The following SIPA1L2 variants were observed in gnomAD, a reference collection of about 807,000 sequenced individuals.
SIPA1L2 encodes signal induced proliferation associated 1 like 2, also known as signal-induced proliferation-associated 1-like protein 2.
In SIPA1L2, 56 loss-of-function variants were observed where a neutral mutation model predicts 163.9. The observed-to-expected ratio is 0.34, with a 90% CI of 0.28 to 0.43. The LOEUF (loss-of-function observed/expected upper bound fraction) is 0.43, where lower values mean the gene tolerates loss of function less well. SIPA1L2 is among the 20% of genes least tolerant of loss of function. The pLI, the probability that SIPA1L2 is intolerant of heterozygous loss-of-function variation, is 1.00. For missense variants in SIPA1L2, 1,974 were observed against 2,193.5 expected (o/e 0.90, Z 2.00); for synonymous variants, 877 against 865.7 (o/e 1.01, Z -0.23).
intron 18 of SIPA1L2, among the ~76,000 whole-genome samples, chr1:232,423,711 T>G (rs543864399): frequency 6.6e-6 from 1 of 152,328 alleles, no homozygotes; most frequent in African/African-American, 2.4e-5. Context: ...TTCCTAATTG[T>G]GCCTTTGAAC....
chr1:232,423,829 A>G (rs1415101229), intron 18 of SIPA1L2, among the ~76,000 whole-genome samples: 1 of 152,244 alleles, frequency 6.6e-6, no homozygotes, highest in East Asian at 1.9e-4. Context: ...TCAAACCATG[A>G]AAAGACATGG....
At chr1:232,401,968 T>C (rs868174372) in intron 22 of SIPA1L2, among the ~76,000 whole-genome samples, 3 of 152,182 alleles carry the variant, frequency 2.0e-5, no homozygotes, top group Non-Finnish European at 4.4e-5. Flanking sequence ...GGTTGATGTG[T>C]ACAGCAGAAG....
At chr1:232,451,327 G>C (rs1663559659) in intron 10 of SIPA1L2, among the ~76,000 whole-genome samples, 1 of 152,170 alleles carries the variant, frequency 6.6e-6, no homozygotes, top group Admixed American at 6.5e-5. Context: ...AAATGGATCT[G>C]CGTCCCCCTT....
intron 1 of SIPA1L2, among the ~76,000 whole-genome samples, chr1:232,605,805 G>T (rs1661884595): frequency 6.6e-6 from 1 of 152,110 alleles, no homozygotes; most frequent in African/African-American, 2.4e-5. Flanking sequence ...TTTACATTAA[G>T]ATAAAAATAA....
chr1:232,519,900 T>C (rs1667386092), intron 2 of SIPA1L2, among the ~76,000 whole-genome samples: 2 of 152,200 alleles, frequency 1.3e-5, no homozygotes, highest in African/African-American at 2.4e-5. Flanking sequence ...CTGGTACAGC[T>C]TGAGGAAAAA....
chr1:232,629,129 C>T (rs1663232920), intron 1 of SIPA1L2, among the ~76,000 whole-genome samples: 1 of 152,208 alleles, frequency 6.6e-6, no homozygotes, highest in South Asian at 2.1e-4. Context: ...ACAAATATCT[C>T]CCACAGGGGT....
intron 5 of SIPA1L2, among the ~76,000 whole-genome samples, chr1:232,489,250 T>C (rs185556122): frequency 4.1e-4 from 62 of 152,322 alleles, no homozygotes; most frequent in African/African-American, 1.3e-3. Flanking sequence ...TCTTACAACA[T>C]GCAAATGAAT....
At chr1:232,468,514 G>A (rs765399833) in intron 8 of SIPA1L2, among the ~76,000 whole-genome samples, 6 of 152,054 alleles carry the variant, frequency 3.9e-5, no homozygotes, top group East Asian at 1.9e-4. Flanking sequence ...TAAAATGGAC[G>A]GTAAAATAGT....
chr1:232,520,222 A>C (rs1319284437), intron 2 of SIPA1L2, among the ~76,000 whole-genome samples: 4 of 152,344 alleles, frequency 2.6e-5, no homozygotes, highest in African/African-American at 9.6e-5. Context: ...CTTGCATTTC[A>C]TAAAATTCTA....
chr1:232,576,732 T>G (rs1660099682), intron 1 of SIPA1L2, among the ~76,000 whole-genome samples: 2 of 152,058 alleles, frequency 1.3e-5, no homozygotes, highest in Non-Finnish European at 2.9e-5. Flanking sequence ...TTGAAGGAAA[T>G]TAAAAGTGGT....
At chr1:232,602,407 C>T (rs887110611) in intron 1 of SIPA1L2, among the ~76,000 whole-genome samples, 1 of 152,212 alleles carries the variant, frequency 6.6e-6, no homozygotes, top group Non-Finnish European at 1.5e-5. Flanking sequence ...TCCTGGCTCA[C>T]TGCAACCTCT....
At chr1:232,629,516 C>G (rs1043473436) in intron 1 of SIPA1L2, among the ~76,000 whole-genome samples, 30 of 152,356 alleles carry the variant, frequency 2.0e-4, no homozygotes, top group African/African-American at 7.2e-4. Flanking sequence ...CAACCGCGAG[C>G]CCTTCCAGAG....
chr1:232,508,276 A>G (rs1362776901), intron 3 of SIPA1L2, among the ~76,000 whole-genome samples: 1 of 152,122 alleles, frequency 6.6e-6, no homozygotes, highest in Admixed American at 6.5e-5. Flanking sequence ...TTACCCAAAT[A>G]TTACTCACTT....
rs202065368 is a variant in SIPA1L2, at chr1:232,460,890, C to T, written c.3092G>A (p.Arg1031Gln). 3.7e-6 allele frequency: 6 copies of T among 1,612,260 alleles called. No homozygotes were observed. The highest frequency in any genetic ancestry group is 4.5e-5 in the East Asian group (2 of 44,800). The change falls in exon 10 of 23, where the codon CGA (arginine) becomes CAA (glutamine). Residue 1031 changes from arginine to glutamine, a missense_variant. Coordinates refer to ENST00000674635, the MANE Select transcript of SIPA1L2 (RefSeq NM_020808.5). Reference sequence around the variant, plus strand: ...ACTTGGGCCTCCCACGCCTTACCTTCGGGGCGAGCCGTCATCATGGGGCTG... The same window carrying T: ...ACTTGGGCCTCCCACGCCTTACCTTTGGGGCGAGCCGTCATCATGGGGCTG... Reference protein sequence around the residue: ...IIQPHDDGSPRRGCSELCRIP... With the variant: ...IIQPHDDGSPQRGCSELCRIP...
chr1:232,419,019 C>T (rs1190195567), intron 18 of SIPA1L2, among the ~76,000 whole-genome samples: 1 of 152,148 alleles, frequency 6.6e-6, no homozygotes, highest in African/African-American at 2.4e-5. Flanking sequence ...AATGAATAAA[C>T]AAGAAAATAC....
Position 232,461,120 on chromosome 1 carries a change from C to T in SIPA1L2, c.2862G>A (p.Arg954=), listed in dbSNP as rs766049421. 1.2e-6 allele frequency: 2 copies of T among 1,614,284 alleles called. No homozygotes were observed. The highest frequency in any genetic ancestry group is 8.5e-7 in the Non-Finnish European group (1 of 1,180,048). ...AGCCAAGCTGGCCCAGCCCGTTCCT[C>T]CTCAGGGTCATTTCCACAGTCTCGC... is the stretch of plus-strand genomic sequence containing the variant. ...RGCETVEMTL[R]RNGLGQLGFH... Residue 954 remains arginine (R), a synonymous_variant, in exon 10 of 23, where the codon AGG becomes AGA. Coordinates refer to ENST00000674635, the MANE Select transcript of SIPA1L2 (RefSeq NM_020808.5).
intron 15 of SIPA1L2, among the ~76,000 whole-genome samples, chr1:232,432,825 C>T (rs181573318): frequency 6.6e-6 from 1 of 152,296 alleles, no homozygotes; most frequent in African/African-American, 2.4e-5. Flanking sequence ...CAGTTGTCTC[C>T]AGGGAAATGC....
intron 1 of SIPA1L2, among the ~76,000 whole-genome samples, chr1:232,623,950 T>C (rs944561927): frequency 6.6e-6 from 1 of 152,080 alleles, no homozygotes; most frequent in Non-Finnish European, 1.5e-5. Context: ...ATTTCAAAGA[T>C]ACAAATGCCC....
chr1:232,509,373 T>C (rs1304635268), intron 3 of SIPA1L2, among the ~76,000 whole-genome samples: 1 of 152,100 alleles, frequency 6.6e-6, no homozygotes, highest in Non-Finnish European at 1.5e-5. Flanking sequence ...GAAAATGAAG[T>C]TTTACACAGA....
Sources: gnomAD v4.1 joint callset for allele counts (sites outside exome capture counted in the v4.1 genomes callset) on GRCh38, gnomAD v4.1.1 for gene constraint, MANE v1.5 for transcripts, NCBI Gene and HGNC (gene_info 2026-07-23, HGNC 2026-07-21) for gene names.